MSH6: variants seen among roughly 807,000 people sequenced by gnomAD.
MSH6 encodes mutS homolog 6.
MSH6 carries 85 observed loss-of-function variants against 119.1 expected under a neutral mutation model. The observed-to-expected ratio is 0.71, with a 90% CI of 0.60 to 0.85. The LOEUF (loss-of-function observed/expected upper bound fraction) is 0.85, where lower values mean the gene tolerates loss of function less well. Among genes scored for constraint, MSH6 ranks in the 40% least tolerant of loss-of-function variants. MSH6 has a pLI of 0.00. For missense variants in MSH6, 2,163 were observed against 1,655.3 expected, an observed-to-expected ratio of 1.31 and a Z score of -5.32; for synonymous variants, 830 against 586.9, an observed-to-expected ratio of 1.41 and a Z score of -5.99.
rs537765668 is a variant in MSH6 at position 47,805,806 on chromosome 2, TATGA to T, written c.3646+103_3646+106del. The stretch of plus-strand genomic sequence containing the variant: ...GATTATCTGAAGTACATTTAAACAA[TATGA>T]ATGTTTTTAGAGCACGCACTCACCA... On this transcript the variant is annotated intron_variant, in intron 7 of 9. Coordinates refer to ENST00000234420, the MANE Select transcript of MSH6 (RefSeq NM_000179.3). The T allele has an allele frequency of 2.9e-4, 280 of 958,298 alleles. 2 individuals carry two copies. In the African/African-American group the frequency reaches 3.9e-3, roughly 13 times the overall value. 59.4% of individuals were successfully genotyped at this position (958,298 alleles called of 1,614,324 possible).
At chr2:47,798,510 C>T (rs183569992) in intron 3 of MSH6, 101 bp from the exon 4 acceptor site, 23 of 1,220,078 alleles carry the variant, frequency 1.9e-5, no homozygotes, top group Middle Eastern at 2.7e-4. Context: ...AGTGGCTGCA[C>T]GGGTACCATT....
chr2:47,808,065 G>GTGTT, downstream of MSH6: 1 of 1,468,204 alleles, frequency 6.8e-7, no homozygotes, highest in Non-Finnish European at 9.3e-7. Context: ...TTCCAAAAAA[G>GTGTT]TGTTTTAAGT....
chr2:47,787,228 G>T (rs1221520950), intron 1 of MSH6, among the ~76,000 whole-genome samples: 1 of 152,154 alleles, frequency 6.6e-6, no homozygotes, highest in Admixed American at 6.5e-5. Flanking sequence ...GGTTGAGGCT[G>T]CAGTAAGCCA....
rs781652274 is a variant in MSH6 at position 47,799,136 on chromosome 2, A to C, written c.1153A>C (p.Arg385=). 2.7e-5 allele frequency: 44 copies of C among 1,613,194 alleles called. No homozygotes were observed. The highest frequency in any genetic ancestry group is 2.7e-4 in the East Asian group (12 of 44,848). ...EEKRRDEHRR[R]PDHPDFDAST... is the part of the protein sequence containing the mutation. Reference sequence around the variant, plus strand: ...AAAGAGAAGAGATGAGCACAGGAGGAGGCCTGATCACCCCGATTTTGATGC... The same window carrying C: ...AAAGAGAAGAGATGAGCACAGGAGGCGGCCTGATCACCCCGATTTTGATGC... The change falls in exon 4 of 10, where the codon AGG becomes CGG. Residue 385 remains arginine (R), a synonymous_variant. Coordinates refer to ENST00000234420, the MANE Select transcript of MSH6 (RefSeq NM_000179.3).
In MSH6 at chr2:47,799,389, A is replaced by G. The variant is rs748165218; in HGVS notation, c.1406A>G (p.Tyr469Cys). The G allele has an allele frequency of 1.1e-5, 17 of 1,614,166 alleles. No individual in the cohort carries two copies. Among genetic ancestry groups the G allele is most frequent in the East Asian group, 2.2e-5 (1 of 44,882 alleles). ...TTTCCTGAAATTGCATTTGGCCGTT[A>G]TTCAGATTCCCTGGTGCAGAAGGGC... ...SGFPEIAFGRYSDSLVQKGYK... is the reference protein window; with the variant it reads ...SGFPEIAFGRCSDSLVQKGYK... Residue 469 changes from tyrosine (Y) to cysteine (C), a missense_variant, in exon 4 of 10, where the codon TAT becomes TGT. By Grantham distance (194) the Tyr-to-Cys change is radical. Coordinates refer to ENST00000234420, the MANE Select transcript of MSH6 (RefSeq NM_000179.3).
chr2:47,783,793 C>T lies in MSH6; in HGVS notation c.260+300C>T, dbSNP rs958950959. On this transcript the variant is annotated intron_variant, in intron 1 of 9. Coordinates refer to ENST00000234420, the MANE Select transcript of MSH6 (RefSeq NM_000179.3). ...CGTCCCGCCAGGTGGGGGTGCTGGG[C>T]TAAGGAAGGGGCGACGCGCGCAGCT... is the stretch of plus-strand genomic sequence containing the variant. The T allele has an allele frequency of 8.1e-5, 39 of 480,930 alleles. 1 individual carries two copies. The South Asian group carries it at 2.0e-3, about 24-fold the overall frequency. 29.8% of individuals were successfully genotyped at this position (480,930 alleles called of 1,614,324 possible).
Position 47,801,418 on chromosome 2 carries a change from G to GA in MSH6, c.3172+265dup, listed in dbSNP as rs3136338. On this transcript the variant is annotated intron_variant, in intron 4 of 9. Coordinates refer to ENST00000234420, the MANE Select transcript of MSH6 (RefSeq NM_000179.3). ...TGGTCTTGCTCTGTTGCCCAGGCTA[G>GA]AATATGGTGACACAACCATGGCTAC... 509 of 354,734 alleles carry GA rather than the reference G, an allele frequency of 1.4e-3. 2 individuals are homozygous for GA. The highest frequency in any genetic ancestry group is 0.012 in the African/African-American group (474 of 39,280). The allele number at this position is 354,734 out of a possible 1,614,324, so 22.0% of individuals were successfully genotyped here.
Position 47,806,254 on chromosome 2 carries a change from A to AAAG in MSH6, c.3700_3702dup (p.Glu1234dup). 6.2e-7 allele frequency: 1 copy of AAAG among 1,614,108 alleles called. No homozygotes were observed. Among genetic ancestry groups the AAAG allele is most frequent in the Non-Finnish European group, 8.5e-7 (1 of 1,179,952 alleles). On this transcript the variant is annotated inframe_insertion, in exon 8 of 10. Transcript: ENST00000234420. ...GACGGCAATAGCAAATGCAGTTGTT[A>AAAG]AAGAACTTGCTGAGACTATAAAATG...
At chr2:47,808,363 G>C, downstream of MSH6, 1 of 1,612,482 alleles carries the variant, frequency 6.2e-7, no homozygotes, top group Non-Finnish European at 8.5e-7. Context: ...TCATGTCCCT[G>C]ATGGCACTTC....
At position 47,800,787 on chromosome 2, in the gene MSH6, CTG is replaced by C. The variant is rs863225403; in HGVS notation, c.2805_2806del (p.Asp936LeufsTer2). The C allele has an allele frequency of 6.2e-7, 1 of 1,614,118 alleles. No individual in the cohort carries two copies. Among genetic ancestry groups the C allele is most frequent in the Non-Finnish European group, 8.5e-7 (1 of 1,180,016 alleles). Reference sequence around the variant, plus strand: ...ATTACTCCCAAAGCAGGCTTTGACTCTGATTATGACCAAGCTCTTGCTGACAT... The same window carrying C: ...ATTACTCCCAAAGCAGGCTTTGACTCATTATGACCAAGCTCTTGCTGACAT... On this transcript the variant is annotated frameshift_variant, in exon 4 of 10. Coordinates refer to ENST00000234420, the MANE Select transcript of MSH6 (RefSeq NM_000179.3). LOFTEE classifies it high-confidence loss of function.
intron 2 of MSH6, among the ~76,000 whole-genome samples, chr2:47,792,280 C>T (rs548733831): frequency 1.3e-5 from 2 of 152,078 alleles, no homozygotes; most frequent in Admixed American, 1.3e-4. Flanking sequence ...TTGTCGTACT[C>T]GGTGTTGTAA....
chr2:47,795,356 T>G (rs1669006597), intron 2 of MSH6, among the ~76,000 whole-genome samples: 1 of 152,062 alleles, frequency 6.6e-6, no homozygotes, highest in African/African-American at 2.4e-5. Context: ...AAATTATACT[T>G]GTCATTCTTG....
chr2:47,805,708 G>A lies in MSH6; in HGVS notation c.3646+1G>A, dbSNP rs1553332772. 1 of 1,597,284 alleles carries A rather than the reference G, an allele frequency of 6.3e-7. No homozygotes were observed. Among genetic ancestry groups the A allele is most frequent in the Non-Finnish European group, 8.6e-7 (1 of 1,166,892 alleles). ...TCTCTGGTGCTTGTGGATGAATTAG[G>A]TAAGACATTAAACTTCTCATTTGAA... On this transcript the variant is annotated splice_donor_variant, in intron 7 of 9. Coordinates refer to ENST00000234420, the MANE Select transcript of MSH6 (RefSeq NM_000179.3). LOFTEE classifies it high-confidence loss of function.
chr2:47,791,180 GAAAC>G (rs1242042923), intron 2 of MSH6, 57 bp downstream of exon 2: 33 of 1,496,862 alleles, frequency 2.2e-5, no homozygotes, highest in Non-Finnish European at 2.7e-5. Context: ...GTGTGTGAGA[GAAAC>G]AGACAGACAG....
intron 1 of MSH6, among the ~76,000 whole-genome samples, chr2:47,786,122 CG>C (rs1485388646): frequency 6.6e-6 from 1 of 152,098 alleles, no homozygotes; most frequent in African/African-American, 2.4e-5. Context: ...CTCTGTAAAC[CG>C]AAACCAGAAG....
chr2:47,808,031 C>G, downstream of MSH6: 1 of 1,217,164 alleles, frequency 8.2e-7, no homozygotes, highest in Non-Finnish European at 1.2e-6. Context: ...CTTCCTGTAG[C>G]ATGGGCAAAT....
chr2:47,790,240 G>T (rs951918862), intron 1 of MSH6, among the ~76,000 whole-genome samples: 2 of 152,172 alleles, frequency 1.3e-5, no homozygotes, highest in African/African-American at 4.8e-5. Context: ...TGGCCAACAT[G>T]GCAAAACCCT....
chr2:47,788,926 T>TTTTTGTTTTTGTTTTTTTTTTTTTTG, intron 1 of MSH6, among the ~76,000 whole-genome samples: 1 of 79,832 alleles, frequency 1.3e-5, no homozygotes, highest in African/African-American at 6.3e-5. Flanking sequence ...TTTTTTGTTT[T>TTTTTGTTTTTGTTTTTTTTTTTTTTG]TTTTTTTTTT....
At chr2:47,795,402 T>C (rs1193971432) in intron 2 of MSH6, among the ~76,000 whole-genome samples, 1 of 135,322 alleles carries the variant, frequency 7.4e-6, no homozygotes, top group Non-Finnish European at 1.7e-5. Flanking sequence ...GAGTCAAGTG[T>C]CCAGCCAACA....
Sources: gnomAD v4.1 joint callset for allele counts (sites outside exome capture counted in the v4.1 genomes callset) on GRCh38, gnomAD v4.1.1 for gene constraint, MANE v1.5 for transcripts, NCBI Gene and HGNC (gene_info 2026-07-23, HGNC 2026-07-21) for gene names.